The following DPF3 variants were observed in gnomAD, a reference collection of about 807,000 sequenced individuals.
The protein encoded by DPF3 is double PHD fingers 3.
In DPF3, 18 loss-of-function variants were observed where a neutral mutation model predicts 56.8. That is an observed-to-expected ratio of 0.32 (90% CI 0.22 to 0.47). DPF3 has a LOEUF of 0.47. Ranked by LOEUF, DPF3 falls within the 20% of genes least tolerant of loss-of-function variation. The probability of loss-of-function intolerance (pLI) is 1.00; values close to 1 mark genes in which losing one functional copy is unlikely to be tolerated. For missense variants in DPF3, 403 were observed against 488.8 expected (o/e 0.82, Z 1.65); for synonymous variants, 188 against 180.2 (o/e 1.04, Z -0.35).
At chr14:72,662,591 T>C in intron 8 of DPF3, 1 of 985,296 alleles carries the variant, frequency 1.0e-6, no homozygotes, top group Non-Finnish European at 1.2e-6. Flanking sequence ...AAAAAAATCT[T>C]CTTATTGCAC....
chr14:72,855,416 A>G (rs1885137055), intron 1 of DPF3, among the ~76,000 whole-genome samples: 1 of 152,202 alleles, frequency 6.6e-6, no homozygotes, highest in South Asian at 2.1e-4. Flanking sequence ...CAATTTACAG[A>G]AAAAGTAACT....
intron 1 of DPF3, among the ~76,000 whole-genome samples, chr14:72,830,036 A>G (rs1883988549): frequency 2.0e-5 from 3 of 152,226 alleles, no homozygotes. Flanking sequence ...GTGAGCCACC[A>G]TGCCCAGCCA....
At chr14:72,834,443 G>A (rs1488480516) in intron 1 of DPF3, among the ~76,000 whole-genome samples, 2 of 147,096 alleles carry the variant, frequency 1.4e-5, no homozygotes, top group African/African-American at 5.1e-5. Context: ...GTTGCAGTGA[G>A]CCGAGATCGT....
At chr14:72,716,389 C>T (rs2332916) in intron 5 of DPF3, among the ~76,000 whole-genome samples, 126,894 of 152,022 alleles carry the variant, frequency 0.83, 53,211 homozygotes, top group East Asian at 0.96. Flanking sequence ...CCTGAGGCAG[C>T]AGCACTCTTA....
chr14:72,826,745 A>G (rs1883819043), intron 1 of DPF3, among the ~76,000 whole-genome samples: 1 of 152,146 alleles, frequency 6.6e-6, no homozygotes, highest in South Asian at 2.1e-4. Context: ...ACTGGGAACA[A>G]GACACATTCA....
intron 1 of DPF3, among the ~76,000 whole-genome samples, chr14:72,847,097 C>G (rs1402442026): frequency 6.6e-6 from 1 of 152,192 alleles, no homozygotes; most frequent in Non-Finnish European, 1.5e-5. Flanking sequence ...AGCTGTAAAA[C>G]TGAAGAGGCG....
At chr14:72,694,286 C>T (rs975009623) in intron 6 of DPF3, among the ~76,000 whole-genome samples, 1 of 150,926 alleles carries the variant, frequency 6.6e-6, no homozygotes, top group African/African-American at 2.4e-5. Context: ...GCTTGTCCCC[C>T]AGCCTGGGTC....
intron 1 of DPF3, among the ~76,000 whole-genome samples, chr14:72,862,211 C>G (rs141450306): frequency 3.9e-5 from 6 of 152,262 alleles, no homozygotes; most frequent in Admixed American, 1.3e-4. Flanking sequence ...CCTAACCCCC[C>G]CTGCATGCTA....
At chr14:72,699,344 G>T (rs1032353414) in intron 6 of DPF3, among the ~76,000 whole-genome samples, 3 of 151,650 alleles carry the variant, frequency 2.0e-5, no homozygotes, top group African/African-American at 7.3e-5. Context: ...ACATAGCAAG[G>T]CCCCATCTCT....
chr14:72,795,301 T>C (rs201201838), intron 1 of DPF3, among the ~76,000 whole-genome samples: 1 of 142,142 alleles, frequency 7.0e-6, no homozygotes, highest in Non-Finnish European at 1.5e-5. Context: ...AAAAAATATA[T>C]ATATATATAT....
intron 7 of DPF3, among the ~76,000 whole-genome samples, chr14:72,682,238 C>G (rs1887196302): frequency 6.8e-6 from 1 of 146,892 alleles, no homozygotes; most frequent in South Asian, 2.2e-4. Flanking sequence ...AAAAAAAAAG[C>G]TTAGGAATGT....
At position 72,786,133 on chromosome 14, in the gene DPF3, C is replaced by T. The variant is rs1467960273; in HGVS notation, c.33-14240G>A. On this transcript the variant is annotated intron_variant, in intron 1 of 10. Coordinates refer to ENST00000556509, the MANE Select transcript of DPF3 (RefSeq NM_001280542.3). ...AAAAAATTAGCCAGGCATGGTGGTGCATGCCTGTAGTCCCAGCTACTCAGG... is the reference window on the plus strand; with the variant it reads ...AAAAAATTAGCCAGGCATGGTGGTGTATGCCTGTAGTCCCAGCTACTCAGG... Among the ~76,000 whole-genome samples, 5 of 152,010 alleles carry T rather than the reference C, an allele frequency of 3.3e-5. No homozygotes were observed. In the South Asian group the frequency reaches 8.3e-4, roughly 25 times the overall value.
At chr14:72,730,711 A>C (rs1889605650) in intron 4 of DPF3, among the ~76,000 whole-genome samples, 1 of 151,638 alleles carries the variant, frequency 6.6e-6, no homozygotes, top group Non-Finnish European at 1.5e-5. Context: ...AAATATAAAC[A>C]TTTAATATGT....
At chr14:72,728,949 C>T (rs546178929) in intron 4 of DPF3, among the ~76,000 whole-genome samples, 34 of 152,102 alleles carry the variant, frequency 2.2e-4, no homozygotes, top group Non-Finnish European at 2.2e-4. Flanking sequence ...TCAGGGACAT[C>T]TTTGAGAGAA....
At chr14:72,798,045 G>A (rs183496688) in intron 1 of DPF3, among the ~76,000 whole-genome samples, 12 of 151,864 alleles carry the variant, frequency 7.9e-5, no homozygotes, top group East Asian at 7.7e-4. Flanking sequence ...ACCTGAGGTC[G>A]GGAGTTCAAG....
intron 3 of DPF3, among the ~76,000 whole-genome samples, chr14:72,752,187 G>A (rs946039522): frequency 3.9e-5 from 6 of 152,150 alleles, no homozygotes; most frequent in Admixed American, 1.3e-4. Context: ...GACAGTGGGA[G>A]GAAGTATGTC....
At chr14:72,619,506 C>A in intron 10 of DPF3, 139 bp from the exon 11 acceptor site, 1 of 954,052 alleles carries the variant, frequency 1.0e-6, no homozygotes, top group Non-Finnish European at 1.6e-6. Flanking sequence ...TGAAAACGTG[C>A]CAGAGTCTGT....
At position 72,614,298 on chromosome 14, in the gene DPF3, A is replaced by T. The variant is rs1190290179; in HGVS notation, c.*4999T>A. Among the ~76,000 whole-genome samples, 2 of 152,202 alleles carry T rather than the reference A, an allele frequency of 1.3e-5. No homozygotes were observed. The highest frequency in any genetic ancestry group is 2.9e-5 in the Non-Finnish European group (2 of 68,036). On this transcript the variant is annotated 3_prime_UTR_variant, in exon 11 of 11. Transcript: ENST00000556509. ...GTAGGGAGATTCATAGGCCTGAGGC[A>T]AATTAAAACAGCTGTTCCCCACCAT...
chr14:72,830,529 T>G (rs201987814), intron 1 of DPF3, among the ~76,000 whole-genome samples: 1 of 151,964 alleles, frequency 6.6e-6, no homozygotes, highest in South Asian at 2.1e-4. Context: ...CAAGGCACTG[T>G]TCCAAGCCTC....
Sources: allele counts gnomAD v4.1 joint callset (sites outside exome capture counted in the v4.1 genomes callset), GRCh38; gene constraint gnomAD v4.1.1; transcripts MANE v1.5; gene names NCBI Gene and HGNC (gene_info 2026-07-23, HGNC 2026-07-21).